The following SLC17A5 variants were observed in gnomAD, a reference collection of about 807,000 sequenced individuals.
SLC17A5 encodes the protein solute carrier family 17 member 5.
SLC17A5 carries 47 observed loss-of-function variants against 59.4 expected under a neutral mutation model. That is an observed-to-expected ratio of 0.79 (90% CI 0.63 to 1.01). SLC17A5 has a LOEUF of 1.01. Ranked by LOEUF, SLC17A5 falls within the 50% of genes least tolerant of loss-of-function variation. The probability of loss-of-function intolerance (pLI) is 0.00; values close to 1 mark genes in which losing one functional copy is unlikely to be tolerated. For synonymous variants in SLC17A5, 202 were observed against 210.7 expected (o/e 0.96, Z 0.36); for missense variants, 522 against 595.5 (o/e 0.88, Z 1.28).
At chr6:73,639,176 A>C (rs1016953803) in intron 3 of SLC17A5, among the ~76,000 whole-genome samples, 2 of 152,180 alleles carry the variant, frequency 1.3e-5, no homozygotes, top group Non-Finnish European at 2.9e-5. Context: ...GAGAGCTAAC[A>C]GGATGTGGAA....
intron 1 of SLC17A5, among the ~76,000 whole-genome samples, chr6:73,651,914 A>G (rs897652123): frequency 2.0e-5 from 3 of 152,334 alleles, no homozygotes; most frequent in African/African-American, 2.4e-5. Flanking sequence ...ATATTTACAT[A>G]TGAAATGACA....
rs772427391 is a variant in SLC17A5, at chr6:73,609,150, T to G, written c.1259+1250A>C. On this transcript the variant is annotated intron_variant, in intron 9 of 10. Transcript: ENST00000355773. The stretch of plus-strand genomic sequence containing the variant: ...CATCTGTCTTTTCTCCAAAATAAAT[T>G]TATATCTATTATTTTTACAAATAAA... Among the ~76,000 whole-genome samples, 7 of 152,306 alleles carry G rather than the reference T, an allele frequency of 4.6e-5. No homozygotes were observed. In the East Asian group the frequency reaches 5.8e-4, roughly 13 times the overall value.
At chr6:73,635,587 C>T (rs780276818) in intron 5 of SLC17A5, 87 bp from the exon 6 acceptor site, 6 of 686,306 alleles carry the variant, frequency 8.7e-6, no homozygotes, top group African/African-American at 1.8e-5. Context: ...TTAGAAAGCA[C>T]CAACAACAAT....
intron 9 of SLC17A5, among the ~76,000 whole-genome samples, chr6:73,605,151 T>C (rs1767336230): frequency 6.6e-6 from 1 of 152,214 alleles, no homozygotes; most frequent in Non-Finnish European, 1.5e-5. Flanking sequence ...AGCTGGATTA[T>C]CTTCATTTTA....
intron 9 of SLC17A5, among the ~76,000 whole-genome samples, chr6:73,605,017 T>C (rs1472680905): frequency 6.6e-6 from 1 of 152,178 alleles, no homozygotes; most frequent in African/African-American, 2.4e-5. Flanking sequence ...TAAAATTTTG[T>C]TAAGTTTTTT....
chr6:73,644,433 G>T lies in SLC17A5; in HGVS notation c.265C>A (p.Pro89Thr). 1 of 1,613,828 alleles carries T rather than the reference G, an allele frequency of 6.2e-7. No individual in the cohort carries two copies. The highest frequency in any genetic ancestry group is 8.5e-7 in the Non-Finnish European group (1 of 1,179,892). Residue 89 changes from proline (P) to threonine (T), a missense_variant, in exon 2 of 11, where the codon CCC becomes ACC. By Grantham distance (38) the Pro-to-Thr change is conservative (BLOSUM62 -1). This residue lies in a region of SLC17A5 where 338 missense variants were observed against 363.8 expected (regional missense o/e 0.93). Coordinates refer to ENST00000355773, the MANE Select transcript of SLC17A5 (RefSeq NM_012434.5). Reference protein sequence around the residue: ...TSKACPEHSAPIKVHHNQTGK... With the variant: ...TSKACPEHSATIKVHHNQTGK... ...GTTTGATTATGATGAACTTTTATGGGAGCAGAATGCTCTGGACACGCCTTG... is the reference window on the plus strand; with the variant it reads ...GTTTGATTATGATGAACTTTTATGGTAGCAGAATGCTCTGGACACGCCTTG...
Position 73,594,191 on chromosome 6 carries a change from T to G in SLC17A5, c.*886A>C, listed in dbSNP as rs965701358. ...CCGTCACCACGCCCAGCTAATTTTT[T>G]GTATTTTTAGTAGAGATGGGGTTTC... On this transcript the variant is annotated 3_prime_UTR_variant, in exon 11 of 11. Coordinates refer to ENST00000355773, the MANE Select transcript of SLC17A5 (RefSeq NM_012434.5). 1.3e-5 allele frequency: 2 copies of G among 152,086 alleles called. No homozygotes were observed. The highest frequency in any genetic ancestry group is 4.8e-5 in the African/African-American group (2 of 41,388). The allele number at this position is 152,086 out of a possible 1,614,324, so 9.4% of individuals were successfully genotyped here. A position where few individuals can be genotyped will look rare whatever the true frequency, so the allele number is the denominator to read the frequency against.
At position 73,594,472 on chromosome 6, in the gene SLC17A5, G is replaced by A. The variant is rs1766708966; in HGVS notation, c.*605C>T. On this transcript the variant is annotated 3_prime_UTR_variant, in exon 11 of 11. Coordinates refer to ENST00000355773, the MANE Select transcript of SLC17A5 (RefSeq NM_012434.5). ...CACATTGATAGCCCCTCAGAGGAAA[G>A]GCACCAGCCGAAGAGTCGACACTGG... 1 of 162,452 alleles carries A rather than the reference G, an allele frequency of 6.2e-6. No homozygotes were observed. The highest frequency in any genetic ancestry group is 2.4e-5 in the African/African-American group (1 of 41,616). 10.1% of individuals were successfully genotyped at this position (162,452 alleles called of 1,614,324 possible).
chr6:73,607,454 CAG>C (rs1767445488), intron 9 of SLC17A5, among the ~76,000 whole-genome samples: 1 of 152,082 alleles, frequency 6.6e-6, no homozygotes. Flanking sequence ...TTAGTAGAGA[CAG>C]AGTTTCACCA....
chr6:73,621,402 G>C (rs898099115), intron 7 of SLC17A5, among the ~76,000 whole-genome samples: 1 of 152,212 alleles, frequency 6.6e-6, no homozygotes, highest in Admixed American at 6.5e-5. Flanking sequence ...ACCTCCCAAA[G>C]TGGTAGGATT....
chr6:73,642,613 T>G (rs986751344), intron 2 of SLC17A5, among the ~76,000 whole-genome samples: 1 of 152,172 alleles, frequency 6.6e-6, no homozygotes, highest in African/African-American at 2.4e-5. Context: ...ACAAACTTCA[T>G]GTGAATAGAA....
chr6:73,617,879 T>C (rs1199616081), intron 7 of SLC17A5, among the ~76,000 whole-genome samples: 1 of 150,790 alleles, frequency 6.6e-6, no homozygotes, highest in East Asian at 1.9e-4. Context: ...CTTCCACAGT[T>C]GTTAAGTTTT....
intron 2 of SLC17A5, among the ~76,000 whole-genome samples, chr6:73,642,665 G>A (rs1769339196): frequency 6.6e-6 from 1 of 152,204 alleles, no homozygotes; most frequent in Admixed American, 6.5e-5. Context: ...AGGTACTAAT[G>A]AAGATTTAGT....
intron 1 of SLC17A5, chr6:73,653,086 T>G (rs1024199043): frequency 2.0e-6 from 2 of 985,460 alleles, no homozygotes. Context: ...TGAGGATAAC[T>G]GAACCTTTTC....
In SLC17A5 at chr6:73,610,514, G is replaced by C. The variant is rs1330188967; in HGVS notation, c.1145C>G (p.Ala382Gly). ...AGAATAATCACAGCCAATGAAGCCA[G>C]CAGCTACCAGGAATACTGCAGGTCC... ...MIGPAVFLVA[A>G]GFIGCDYSLA... The change falls in exon 9 of 11, where the codon GCT becomes GGT. Residue 382 changes from alanine to glycine, a missense_variant. Physicochemically the swap from Ala to Gly is moderately conservative, Grantham distance 60. Coordinates refer to ENST00000355773, the MANE Select transcript of SLC17A5 (RefSeq NM_012434.5). The C allele has an allele frequency of 6.2e-7, 1 of 1,614,138 alleles. No individual in the cohort carries two copies. The highest frequency in any genetic ancestry group is 1.1e-5 in the South Asian group (1 of 91,080).
intron 6 of SLC17A5, among the ~76,000 whole-genome samples, chr6:73,635,032 T>TA (rs34340160): frequency 0.16 from 24,832 of 152,080 alleles, 3,130 homozygotes; most frequent in African/African-American, 0.35. Flanking sequence ...ATACTTTCTA[T>TA]AAAAAATGAA....
chr6:73,615,861 CAT>C (rs1365592407), intron 7 of SLC17A5, among the ~76,000 whole-genome samples: 1 of 122,002 alleles, frequency 8.2e-6, no homozygotes, highest in Non-Finnish European at 1.7e-5. Context: ...ACCACATAAA[CAT>C]AGCTTAATGA....
At chr6:73,630,581 C>T (rs1235147550) in intron 6 of SLC17A5, among the ~76,000 whole-genome samples, 1 of 152,060 alleles carries the variant, frequency 6.6e-6, no homozygotes, top group Admixed American at 6.6e-5. Flanking sequence ...AGGCTAAGCT[C>T]CTTAGGGAGG....
rs1554162230 is a variant in SLC17A5 at position 73,615,449 on chromosome 6, T to C, written c.979-2A>G. 1.9e-6 allele frequency: 3 copies of C among 1,613,892 alleles called. No homozygotes were observed. Among genetic ancestry groups the C allele is most frequent in the Non-Finnish European group, 2.5e-6 (3 of 1,179,912 alleles). On this transcript the variant is annotated splice_acceptor_variant, in intron 7 of 10. Transcript: ENST00000355773. LOFTEE classifies it high-confidence loss of function. ...AGGCAATGAAGATAAAAACCCATTC[T>C]GGAAGGAATAAGAAGATACAGGATT...
Sources: gnomAD v4.1 joint callset for allele counts (sites outside exome capture counted in the v4.1 genomes callset) on GRCh38, gnomAD v4.1.1 for gene constraint, gnomAD v4.1.1 regional missense constraint, MANE v1.5 for transcripts, NCBI Gene and HGNC (gene_info 2026-07-23, HGNC 2026-07-21) for gene names.